Variants in FSHR observed in about 807,000 individuals in gnomAD.
FSHR encodes follicle-stimulating hormone receptor.
FSHR carries 46 observed loss-of-function variants against 52.1 expected under a neutral mutation model. The observed-to-expected ratio is 0.88, with a 90% CI of 0.70 to 1.13. FSHR has a LOEUF of 1.13. Ranked by LOEUF, FSHR falls within the 50% of genes most tolerant of loss-of-function variation. FSHR has a pLI of 0.00. For missense variants in FSHR, 964 were observed against 834.6 expected (o/e 1.16, Z -1.91); for synonymous variants, 399 against 309.6 (o/e 1.29, Z -3.03).
intron 8 of FSHR, among the ~76,000 whole-genome samples, chr2:48,976,154 C>T (rs559831472): frequency 1.6e-4 from 25 of 152,116 alleles, no homozygotes; most frequent in Admixed American, 1.3e-4. Context: ...TTTTGAGATA[C>T]GGTCCATCAA....
intron 6 of FSHR, among the ~76,000 whole-genome samples, chr2:48,984,245 G>A (rs553383670): frequency 4.6e-4 from 70 of 152,226 alleles, no homozygotes; most frequent in East Asian, 2.5e-3. Flanking sequence ...AAGGGGCGAG[G>A]CAAATCTTTT....
chr2:49,148,131 CT>C (rs1415189156), intron 1 of FSHR, among the ~76,000 whole-genome samples: 2 of 151,984 alleles, frequency 1.3e-5, no homozygotes, highest in Non-Finnish European at 2.9e-5. Context: ...GGCAAAATCA[CT>C]TTCCTCTTTT....
intron 4 of FSHR, among the ~76,000 whole-genome samples, chr2:49,015,538 A>C (rs561607574): frequency 6.6e-6 from 1 of 152,290 alleles, no homozygotes; most frequent in African/African-American, 2.4e-5. Context: ...GATTGGCCCA[A>C]GATTTCTCAA....
At chr2:49,135,823 T>C (rs1024775483) in intron 1 of FSHR, among the ~76,000 whole-genome samples, 2 of 152,136 alleles carry the variant, frequency 1.3e-5, no homozygotes, top group African/African-American at 2.4e-5. Flanking sequence ...AAAATATTAT[T>C]GAAAACTTTT....
At chr2:49,024,297 G>A (rs944172891) in intron 2 of FSHR, among the ~76,000 whole-genome samples, 11 of 151,992 alleles carry the variant, frequency 7.2e-5, no homozygotes, top group East Asian at 1.9e-4. Flanking sequence ...AATAAGGGCC[G>A]GGTACAGTGG....
At chr2:49,051,669 C>G (rs921781969) in intron 2 of FSHR, among the ~76,000 whole-genome samples, 7 of 151,650 alleles carry the variant, frequency 4.6e-5, no homozygotes, top group Non-Finnish European at 1.0e-4. Context: ...TCTTTTTTTA[C>G]TTTTTTTATT....
rs1323468652 is a variant in FSHR at position 48,974,600 on chromosome 2, G to A, written c.669-5717C>T. On this transcript the variant is annotated intron_variant, in intron 8 of 9. Coordinates refer to ENST00000406846, the MANE Select transcript of FSHR (RefSeq NM_000145.4). ...AGCAAAAGTGGTTCCTGGATGACAG[G>A]GAAATAAAAGTCTTTGTGGAGGTGT... Among the ~76,000 whole-genome samples, 6 of 152,260 alleles carry A rather than the reference G, an allele frequency of 3.9e-5. No individual in the cohort carries two copies. The East Asian group carries it at 9.7e-4, about 25-fold the overall frequency.
At chr2:49,000,869 A>T (rs1666851258) in intron 4 of FSHR, among the ~76,000 whole-genome samples, 2 of 152,138 alleles carry the variant, frequency 1.3e-5, no homozygotes, top group Admixed American at 6.6e-5. Context: ...AGACCAGAAC[A>T]CTGCTAACTG....
intron 1 of FSHR, among the ~76,000 whole-genome samples, chr2:49,133,719 A>G (rs1048354186): frequency 1.3e-5 from 2 of 152,192 alleles, no homozygotes; most frequent in African/African-American, 4.8e-5. Flanking sequence ...ACCAAAACAG[A>G]GATATAGACC....
chr2:49,040,838 T>C (rs1668455384), intron 2 of FSHR, among the ~76,000 whole-genome samples: 2 of 86,742 alleles, frequency 2.3e-5, no homozygotes, highest in South Asian at 6.9e-4. Flanking sequence ...CTCAAGGGGA[T>C]GTGCTGAGAA....
intron 1 of FSHR, among the ~76,000 whole-genome samples, chr2:49,147,999 C>T (rs762094658): frequency 1.4e-4 from 21 of 152,000 alleles, no homozygotes; most frequent in Admixed American, 3.3e-4. Context: ...GAGAGAACTA[C>T]GACAATCAAA....
intron 1 of FSHR, among the ~76,000 whole-genome samples, chr2:49,139,638 C>T (rs1297235125): frequency 6.7e-6 from 1 of 149,908 alleles, no homozygotes; most frequent in Non-Finnish European, 1.5e-5. Flanking sequence ...CACTCTGTCG[C>T]CCAGGCTGGA....
chr2:49,104,599 A>G (rs975012431), intron 1 of FSHR, among the ~76,000 whole-genome samples: 4 of 152,168 alleles, frequency 2.6e-5, no homozygotes, highest in East Asian at 1.9e-4. Flanking sequence ...TAAGTGAAAA[A>G]TGGTTTGCAG....
At chr2:49,070,803 T>G (rs992281830) in intron 1 of FSHR, among the ~76,000 whole-genome samples, 2 of 152,186 alleles carry the variant, frequency 1.3e-5, no homozygotes, top group African/African-American at 2.4e-5. Context: ...CAAGATAATC[T>G]GAAGACATTT....
In FSHR at chr2:49,084,812, G is replaced by T. The variant is rs1021513522; in HGVS notation, c.153-16522C>A. Among the ~76,000 whole-genome samples, 120 of 152,238 alleles carry T rather than the reference G, an allele frequency of 7.9e-4. 1 individual carries two copies. The highest frequency in any genetic ancestry group is 2.6e-3 in the African/African-American group (109 of 41,536). On this transcript the variant is annotated intron_variant, in intron 1 of 9. Transcript: ENST00000406846. ...TAAACCAGGAAGAAGTTGAATCTCT[G>T]AATAGACCAATAACAGGATCTGAAA...
intron 2 of FSHR, among the ~76,000 whole-genome samples, chr2:49,048,143 C>G (rs1668725201): frequency 6.6e-6 from 1 of 152,100 alleles, no homozygotes; most frequent in African/African-American, 2.4e-5. Context: ...GTCACAGCCT[C>G]CCAAAATGCT....
chr2:49,060,908 C>T (rs1669265628), intron 2 of FSHR, among the ~76,000 whole-genome samples: 1 of 152,068 alleles, frequency 6.6e-6, no homozygotes, highest in African/African-American at 2.4e-5. Flanking sequence ...CTGCTAAGCC[C>T]CACCATTCCA....
At chr2:48,982,754 G>C (rs552164288) in intron 8 of FSHR, among the ~76,000 whole-genome samples, 158 bp downstream of exon 8, 6 of 152,282 alleles carry the variant, frequency 3.9e-5, no homozygotes, top group African/African-American at 1.4e-4. Context: ...CCGTGGATAA[G>C]CCTTAAATTG....
intron 1 of FSHR, among the ~76,000 whole-genome samples, chr2:49,144,703 G>T (rs570877782): frequency 1.3e-5 from 2 of 152,230 alleles, no homozygotes; most frequent in South Asian, 4.1e-4. Flanking sequence ...TTCAATGAAG[G>T]TTTCTTCCTT....
Sources: gnomAD v4.1 joint callset for allele counts (sites outside exome capture counted in the v4.1 genomes callset) on GRCh38, gnomAD v4.1.1 for gene constraint, MANE v1.5 for transcripts, NCBI Gene and HGNC (gene_info 2026-07-23, HGNC 2026-07-21) for gene names.